GBF1: variants seen among roughly 807,000 people sequenced by gnomAD.
GBF1 encodes golgi brefeldin A resistant guanine nucleotide exchange factor 1.
In GBF1, 114 loss-of-function variants were observed where a neutral mutation model predicts 210.5. That is an observed-to-expected ratio of 0.54 (90% CI 0.47 to 0.63). GBF1 has a LOEUF of 0.63. GBF1 is among the 30% of genes least tolerant of loss of function. The pLI, the probability that GBF1 is intolerant of heterozygous loss-of-function variation, is 0.00. For synonymous variants in GBF1, 850 were observed against 889.2 expected (o/e 0.96, Z 0.78); for missense variants, 1,851 against 2,357.7 (o/e 0.79, Z 4.45).
intron 3 of GBF1, among the ~76,000 whole-genome samples, chr10:102,300,979 T>TC (rs1169738419): frequency 2.7e-5 from 4 of 150,530 alleles, no homozygotes; most frequent in Non-Finnish European, 5.9e-5. Context: ...TTCTTTTCTT[T>TC]TTTTTTTTTT....
chr10:102,270,877 A>G (rs953191627), intron 3 of GBF1, among the ~76,000 whole-genome samples: 1 of 152,120 alleles, frequency 6.6e-6, no homozygotes, highest in Admixed American at 6.5e-5. Context: ...TATTTATTTT[A>G]GAGATGGGGG....
Position 102,351,315 on chromosome 10 carries a change from G to A in GBF1, c.355G>A (p.Ala119Thr), listed in dbSNP as rs150423225. 1 of 1,612,606 alleles carries A rather than the reference G, an allele frequency of 6.2e-7. No homozygotes were observed. The highest frequency in any genetic ancestry group is 1.3e-5 in the African/African-American group (1 of 75,006). The change falls in exon 5 of 40, where the codon GCT (alanine) becomes ACT (threonine). Residue 119 changes from alanine to threonine, a missense_variant. Physicochemically the swap from Ala to Thr is moderately conservative, Grantham distance 58 (BLOSUM62 0). Transcript: ENST00000369983. The part of the protein sequence containing the change: ...MENMADAVTH[A>T]RFVGTDPASD... ...GAACATGGCAGATGCTGTCACCCAT[G>A]CTCGTTTTGTGGGCACGGATCCTGC...
At chr10:102,329,729 C>CAG (rs2057190794) in intron 3 of GBF1, among the ~76,000 whole-genome samples, 1 of 152,158 alleles carries the variant, frequency 6.6e-6, no homozygotes, top group African/African-American at 2.4e-5. Context: ...TCCCAAAGTG[C>CAG]TGGGATTACA....
chr10:102,367,525 G>C lies in GBF1; in HGVS notation c.2607G>C (p.Glu869Asp). 1 of 1,607,434 alleles carries C rather than the reference G, an allele frequency of 6.2e-7. No individual in the cohort carries two copies. Reference sequence around the variant, plus strand: ...GTGTGAATGGAGGCAAGGACTTTGAGCAAGACATCCTGGAGGACATGTACC... The same window carrying C: ...GTGTGAATGGAGGCAAGGACTTTGACCAAGACATCCTGGAGGACATGTACC... The part of the protein sequence containing the change: ...LKGVNGGKDF[E>D]QDILEDMYHA... The change falls in exon 21 of 40, where the codon GAG becomes GAC. Residue 869 changes from glutamate (E) to aspartate (D), a missense_variant. Around this residue, in one of 3 missense-constraint regions of GBF1, gnomAD observed 80 missense variants for 151.4 expected, o/e 0.53. Transcript: ENST00000369983.
the GBF1 span, chr10:102,230,816 C>T: frequency 1.3e-6 from 2 of 1,564,454 alleles, no homozygotes; most frequent in South Asian, 2.3e-5. Context: ...GGGGCAGCCG[C>T]GGCGGAGGGC....
At chr10:102,237,165 G>C in the GBF1 span, among the ~76,000 whole-genome samples, 1 of 152,170 alleles carries the variant, frequency 6.6e-6, no homozygotes, top group Admixed American at 6.5e-5. Context: ...GTAGGAGTCT[G>C]CAGTGTAGGG....
At chr10:102,245,972 C>G (rs970798662) in intron 1 of GBF1, among the ~76,000 whole-genome samples, 191 bp downstream of exon 1, 15 of 152,196 alleles carry the variant, frequency 9.9e-5, no homozygotes, top group African/African-American at 3.1e-4. Flanking sequence ...GGTCATGCCT[C>G]TGCCGCAGGA....
intron 3 of GBF1, among the ~76,000 whole-genome samples, chr10:102,279,661 A>G (rs1048616720): frequency 5.3e-5 from 8 of 151,576 alleles, no homozygotes; most frequent in Admixed American, 2.0e-4. Context: ...CCTTTGAAGC[A>G]TGATTAGGAT....
chr10:102,370,986 C>T (rs191058829), intron 29 of GBF1, 126 bp downstream of exon 29: 4 of 901,920 alleles, frequency 4.4e-6, no homozygotes, highest in Admixed American at 4.5e-5. Flanking sequence ...CAGTGACCAA[C>T]CACAGGGCTG....
the GBF1 span, among the ~76,000 whole-genome samples, chr10:102,237,791 C>A: frequency 3.3e-5 from 5 of 151,434 alleles, no homozygotes; most frequent in Admixed American, 2.0e-4. Flanking sequence ...AATATAAAAC[C>A]CCCCAATCTT....
chr10:102,376,756 GCGTCAAGACTCTC>G lies in GBF1; in HGVS notation c.4247_4259del (p.Val1416GlyfsTer8). On this transcript the variant is annotated frameshift_variant, in exon 32 of 40. Coordinates refer to ENST00000369983, the MANE Select transcript of GBF1 (RefSeq NM_001377137.1). LOFTEE classifies it high-confidence loss of function. ...ATCACACCTGACAACTTTGAGCTCTGCGTCAAGACTCTCCGGATCTTTGTGGAGGCCAGTCTGA... is the reference window on the plus strand; with the variant it reads ...ATCACACCTGACAACTTTGAGCTCTGCGGATCTTTGTGGAGGCCAGTCTGA... 6.2e-7 allele frequency: 1 copy of G among 1,610,044 alleles called. No homozygotes were observed. The highest frequency in any genetic ancestry group is 8.5e-7 in the Non-Finnish European group (1 of 1,179,956).
intron 3 of GBF1, among the ~76,000 whole-genome samples, chr10:102,298,651 ATC>A (rs1322864385): frequency 6.6e-6 from 1 of 152,184 alleles, no homozygotes; most frequent in African/African-American, 2.4e-5. Context: ...TGTATGTATC[ATC>A]TCATTGAGTT....
At chr10:102,235,402 A>G in the GBF1 span, among the ~76,000 whole-genome samples, 3 of 152,044 alleles carry the variant, frequency 2.0e-5, no homozygotes, top group Non-Finnish European at 4.4e-5. Context: ...GTATAGCCCA[A>G]AGAAATTAGG....
chr10:102,246,205 C>A (rs1221472087), intron 1 of GBF1, among the ~76,000 whole-genome samples: 1 of 152,174 alleles, frequency 6.6e-6, no homozygotes, highest in Admixed American at 6.5e-5. Context: ...GCGTCTACTT[C>A]TTTGTGATTG....
intron 39 of GBF1, 64 bp downstream of exon 39, chr10:102,381,319 C>A: frequency 6.4e-7 from 1 of 1,558,274 alleles, no homozygotes; most frequent in Non-Finnish European, 8.8e-7. Flanking sequence ...AGAGGAGGCC[C>A]AAGGGGGCGT....
intron 3 of GBF1, among the ~76,000 whole-genome samples, chr10:102,327,938 C>G (rs2057028130): frequency 6.6e-6 from 1 of 152,192 alleles, no homozygotes; most frequent in Admixed American, 6.5e-5. Flanking sequence ...CCTCCAGATT[C>G]AGCTGTCTTA....
At position 102,376,542 on chromosome 10, in the gene GBF1, C is replaced by T. The variant is rs1002910789; in HGVS notation, c.4048-18C>T. The T allele has an allele frequency of 6.2e-7, 1 of 1,613,816 alleles. No individual in the cohort carries two copies. Among genetic ancestry groups the T allele is most frequent in the East Asian group, 2.2e-5 (1 of 44,866 alleles). On this transcript the variant is annotated intron_variant, in intron 31 of 39. Transcript: ENST00000369983. ...AGGGGCCAAGCCTGTGTCCCCAGCT[C>T]CTCTGTGTACTTTACAGGTTGGGAA...
intron 3 of GBF1, among the ~76,000 whole-genome samples, chr10:102,338,309 C>T (rs929055503): frequency 7.6e-5 from 11 of 144,786 alleles, no homozygotes; most frequent in Admixed American, 2.8e-4. Context: ...GGTGCAGTCT[C>T]GGCTCACTGT....
At chr10:102,271,514 CTTT>C (rs66646383) in intron 3 of GBF1, among the ~76,000 whole-genome samples, 1 of 140,138 alleles carries the variant, frequency 7.1e-6, no homozygotes, top group Non-Finnish European at 1.5e-5. Flanking sequence ...TTTTCTCCAC[CTTT>C]TTTTTTTTTT....
Sources: allele counts gnomAD v4.1 joint callset (sites outside exome capture counted in the v4.1 genomes callset), GRCh38; gene constraint gnomAD v4.1.1; regional missense constraint gnomAD v4.1.1; transcripts MANE v1.5; gene names NCBI Gene and HGNC (gene_info 2026-07-23, HGNC 2026-07-21).